Variants in PPP1R36 observed in about 807,000 individuals in gnomAD.
PPP1R36 encodes chromosome 14 open reading frame 50.
A neutral mutation model predicts 53.4 loss-of-function variants in PPP1R36; 47 were observed. The observed-to-expected ratio is 0.88, with a 90% CI of 0.70 to 1.12. PPP1R36 has a LOEUF of 1.12. Ranked by LOEUF, PPP1R36 falls within the 50% of genes most tolerant of loss-of-function variation. The probability of loss-of-function intolerance (pLI) is 0.00; values close to 1 mark genes in which losing one functional copy is unlikely to be tolerated. For missense variants in PPP1R36, 456 were observed against 513.9 expected, an observed-to-expected ratio of 0.89 and a Z score of 1.09; for synonymous variants, 153 against 170.5, an observed-to-expected ratio of 0.90 and a Z score of 0.80.
chr14:64,575,356 T>C (rs1484396845), intron 8 of PPP1R36, among the ~76,000 whole-genome samples: 2 of 152,238 alleles, frequency 1.3e-5, no homozygotes, highest in African/African-American at 4.8e-5. Flanking sequence ...ATATACATTT[T>C]TGTATTCTGT....
At chr14:64,550,347 G>T in intron 1 of PPP1R36, 1 of 1,147,422 alleles carries the variant, frequency 8.7e-7, no homozygotes, top group Non-Finnish European at 1.1e-6. Flanking sequence ...GCAAAATAGG[G>T]AGACCTACTG....
intron 3 of PPP1R36, among the ~76,000 whole-genome samples, chr14:64,560,179 G>C (rs145730347): frequency 6.9e-6 from 1 of 144,530 alleles, no homozygotes; most frequent in South Asian, 2.2e-4. Flanking sequence ...AGTGGCTCAC[G>C]CTTGTAATCC....
intron 3 of PPP1R36, among the ~76,000 whole-genome samples, chr14:64,556,871 G>A (rs781250004): frequency 2.6e-5 from 4 of 151,656 alleles, no homozygotes; most frequent in East Asian, 1.9e-4. Flanking sequence ...CTGGAGTGCC[G>A]TGGCATGATC....
chr14:64,569,864 G>A (rs1039273263), intron 7 of PPP1R36, among the ~76,000 whole-genome samples: 34 of 151,364 alleles, frequency 2.2e-4, no homozygotes, highest in African/African-American at 8.3e-4. Context: ...TCAGCCTCCT[G>A]AGTAGCTGGG....
At chr14:64,567,374 C>T (rs2080267743) in intron 6 of PPP1R36, among the ~76,000 whole-genome samples, 1 of 152,016 alleles carries the variant, frequency 6.6e-6, no homozygotes, top group South Asian at 2.1e-4. Context: ...TTAAAAAAAC[C>T]AAATACCCAC....
chr14:64,582,796 G>A (rs1225749931), intron 8 of PPP1R36, among the ~76,000 whole-genome samples: 5 of 151,830 alleles, frequency 3.3e-5, no homozygotes, highest in East Asian at 3.8e-4. Context: ...ATATTTCCAC[G>A]GATTGTATTG....
At chr14:64,575,788 C>G (rs1231879496) in intron 8 of PPP1R36, among the ~76,000 whole-genome samples, 1 of 151,736 alleles carries the variant, frequency 6.6e-6, no homozygotes, top group African/African-American at 2.4e-5. Flanking sequence ...GTAGCTGGGA[C>G]TACAGGCGCC....
chr14:64,556,889 G>A (rs1029707570), intron 3 of PPP1R36, among the ~76,000 whole-genome samples: 1 of 151,416 alleles, frequency 6.6e-6, no homozygotes, highest in Admixed American at 6.6e-5. Flanking sequence ...ATCTTAGCTC[G>A]GTGCAGCCTT....
intron 2 of PPP1R36, chr14:64,551,541 C>T (rs1433176492): frequency 1.1e-5 from 5 of 449,316 alleles, no homozygotes; most frequent in Non-Finnish European, 1.8e-5. Flanking sequence ...TAGACACTAT[C>T]TGTTGTGCAC....
chr14:64,558,825 G>A (rs917946811), intron 3 of PPP1R36, among the ~76,000 whole-genome samples: 4 of 151,788 alleles, frequency 2.6e-5, no homozygotes, highest in African/African-American at 9.7e-5. Context: ...TAGTACAGAC[G>A]GGTTTTCACA....
At chr14:64,569,743 C>CTT (rs932367626) in intron 7 of PPP1R36, among the ~76,000 whole-genome samples, 3 of 142,544 alleles carry the variant, frequency 2.1e-5, no homozygotes, top group Non-Finnish European at 3.1e-5. Flanking sequence ...TTTTTCTTTT[C>CTT]TTTTTTTTTT....
chr14:64,562,899 T>C (rs2080215810), intron 3 of PPP1R36, among the ~76,000 whole-genome samples: 1 of 152,178 alleles, frequency 6.6e-6, no homozygotes, highest in South Asian at 2.1e-4. Flanking sequence ...GGAGTTTCAC[T>C]CTTGTTGCCC....
At chr14:64,565,327 A>T in intron 4 of PPP1R36, 30 bp from the exon 5 acceptor site, 3 of 1,463,486 alleles carry the variant, frequency 2.0e-6, no homozygotes, top group Non-Finnish European at 2.8e-6. Flanking sequence ...ATATTAAAAC[A>T]CTACTAGAAA....
At chr14:64,556,894 A>G (rs1215212164) in intron 3 of PPP1R36, among the ~76,000 whole-genome samples, 3 of 151,812 alleles carry the variant, frequency 2.0e-5, no homozygotes, top group Non-Finnish European at 4.4e-5. Flanking sequence ...AGCTCGGTGC[A>G]GCCTTGACCT....
chr14:64,575,245 C>T (rs1408878215), intron 8 of PPP1R36, among the ~76,000 whole-genome samples: 1 of 152,132 alleles, frequency 6.6e-6, no homozygotes, highest in African/African-American at 2.4e-5. Flanking sequence ...TAATTATTCC[C>T]CCCATAGGAA....
In PPP1R36 at chr14:64,583,075, A is replaced by AT. The variant is rs34144614; in HGVS notation, c.669-3752dup. 1.8e-3 allele frequency among the ~76,000 whole-genome samples: 237 copies of AT among 133,134 alleles called. 1 individual carries two copies. Among genetic ancestry groups the AT allele is most frequent in the South Asian group, 0.017 (70 of 4,044 alleles). The allele number at this position is 133,134 out of a possible 152,430, so 87.3% of individuals were successfully genotyped here. A position where few individuals can be genotyped will look rare whatever the true frequency, so the allele number is the denominator to read the frequency against. On this transcript the variant is annotated intron_variant, in intron 8 of 11. Transcript: ENST00000298705. ...CCCAGCTATATATATATATATATATATTTTTTTTTTGTATTTTTGTAGAGA... is the reference window on the plus strand; with the variant it reads ...CCCAGCTATATATATATATATATATATTTTTTTTTTTGTATTTTTGTAGAGA...
rs1278121660 is a variant in PPP1R36, at chr14:64,556,494, G to A, written c.182+3633G>A. ...AAGTATAAATAGGCTGGGTGTGGTG[G>A]CTCACACCTGCGATCTTAGCATTTT... On this transcript the variant is annotated intron_variant, in intron 3 of 11. Transcript: ENST00000298705. 2.0e-5 allele frequency among the ~76,000 whole-genome samples: 3 copies of A among 152,040 alleles called. No homozygotes were observed. In the East Asian group the frequency reaches 5.8e-4, roughly 29 times the overall value.
intron 9 of PPP1R36, 44 bp downstream of exon 9, chr14:64,586,923 A>G (rs376829597): frequency 8.9e-5 from 134 of 1,501,608 alleles, no homozygotes; most frequent in Non-Finnish European, 1.2e-4. Context: ...GAAACAATAT[A>G]TACCAACAAC....
chr14:64,574,424 C>A, intron 7 of PPP1R36, 31 bp from the exon 8 acceptor site: 2 of 1,585,362 alleles, frequency 1.3e-6, no homozygotes, highest in South Asian at 1.2e-5. Context: ...ACAATTAACC[C>A]AAATTCTCTT....
Sources: gnomAD v4.1 joint callset for allele counts (sites outside exome capture counted in the v4.1 genomes callset) on GRCh38, gnomAD v4.1.1 for gene constraint, MANE v1.5 for transcripts, NCBI Gene and HGNC (gene_info 2026-07-23, HGNC 2026-07-21) for gene names.